The following ANXA8 variants were observed in gnomAD, a reference collection of about 807,000 sequenced individuals.
ANXA8 encodes the protein VAC-beta.
ANXA8 carries 9 observed loss-of-function variants against 26.8 expected under a neutral mutation model. The ratio of observed to expected loss-of-function variants is 0.34; its 90% confidence interval spans 0.20 to 0.59. The LOEUF is 0.59. Ranked by LOEUF, ANXA8 falls within the 20% of genes least tolerant of loss-of-function variation. The pLI, the probability that ANXA8 is intolerant of heterozygous loss-of-function variation, is 0.84. For missense variants in ANXA8, 83 were observed against 238.5 expected, an observed-to-expected ratio of 0.35 and a Z score of 4.29; for synonymous variants, 39 against 94.8, an observed-to-expected ratio of 0.41 and a Z score of 3.42.
At chr10:47,618,679 C>T in the ANXA8 span, among the ~76,000 whole-genome samples, 2 of 112,692 alleles carry the variant, frequency 1.8e-5, 1 homozygote. Context: ...ATTTATCTAC[C>T]TATTTAGTAA....
chr10:47,975,029 C>G, the ANXA8 span, among the ~76,000 whole-genome samples: 10,680 of 149,108 alleles, frequency 0.072, 20 homozygotes, highest in African/African-American at 0.25. Flanking sequence ...CAAGATGTGT[C>G]TGGATTATCC....
chr10:47,755,448 G>A, the ANXA8 span, among the ~76,000 whole-genome samples: 1 of 151,080 alleles, frequency 6.6e-6, no homozygotes, highest in African/African-American at 2.4e-5. Flanking sequence ...GTAGAGACGT[G>A]GTTTCACTGT....
chr10:47,687,035 T>C, the ANXA8 span, among the ~76,000 whole-genome samples: 1 of 151,436 alleles, frequency 6.6e-6, no homozygotes, highest in Non-Finnish European at 1.5e-5. Context: ...GCCCAGCAGC[T>C]TGAGGCTGCA....
At chr10:47,493,111 C>T in the ANXA8 span, among the ~76,000 whole-genome samples, 54 of 151,528 alleles carry the variant, frequency 3.6e-4, no homozygotes, top group Middle Eastern at 3.2e-3. Context: ...CCCACACATG[C>T]CATTGCTGTC....
the ANXA8 span, among the ~76,000 whole-genome samples, chr10:47,939,056 T>C: frequency 6.9e-6 from 1 of 144,858 alleles, no homozygotes; most frequent in Non-Finnish European, 1.5e-5. Flanking sequence ...GCCACCACAC[T>C]CTCACTTTCT....
the ANXA8 span, among the ~76,000 whole-genome samples, chr10:47,657,618 G>A: frequency 1.3e-5 from 2 of 150,872 alleles, no homozygotes; most frequent in Admixed American, 1.3e-4. Context: ...CACATGGAAA[G>A]TTCTCAATGT....
chr10:47,743,369 TAC>T, the ANXA8 span, among the ~76,000 whole-genome samples: 1,767 of 38,708 alleles, frequency 0.046, 90 homozygotes, highest in Middle Eastern at 0.1. Flanking sequence ...TATATATATA[TAC>T]ATATATATGT....
At chr10:47,970,683 G>A in the ANXA8 span, among the ~76,000 whole-genome samples, 16 of 151,410 alleles carry the variant, frequency 1.1e-4, no homozygotes, top group African/African-American at 3.6e-4. Flanking sequence ...AATTCCTAAG[G>A]CATTTCTACA....
chr10:47,947,578 C>T, the ANXA8 span, among the ~76,000 whole-genome samples: 1 of 150,688 alleles, frequency 6.6e-6, no homozygotes, highest in Non-Finnish European at 1.5e-5. Flanking sequence ...GGGCAGATTT[C>T]CCCCTTGCTG....
the ANXA8 span, chr10:47,581,327 C>T: frequency 6.4e-6 from 3 of 472,146 alleles, no homozygotes; most frequent in Non-Finnish European, 1.2e-5. Context: ...GTATTGAAAA[C>T]CATTCATCAC....
Position 47,474,228 on chromosome 10 carries a change from A to C in ANXA8, c.646+77T>G, listed in dbSNP as rs1202941174. 60 of 1,541,662 alleles carry C rather than the reference A, an allele frequency of 3.9e-5. 5 individuals are homozygous for C. The highest frequency in any genetic ancestry group is 5.0e-5 in the Non-Finnish European group (57 of 1,138,024). On this transcript the variant is annotated intron_variant, in intron 8 of 11. Coordinates refer to ENST00000585281, the MANE Select transcript of ANXA8 (RefSeq NM_001040084.3). ...TCTCTCCCTAACTCTAGACTTGACA[A>C]GGCAGAAGCACGAGGGAGAGGCTCA...
chr10:47,659,231 G>T, the ANXA8 span, among the ~76,000 whole-genome samples: 4 of 151,858 alleles, frequency 2.6e-5, no homozygotes, highest in Middle Eastern at 3.4e-3. Context: ...CACAGCCATT[G>T]CATGTTTCTT....
At chr10:47,565,641 C>T in the ANXA8 span, 2 of 347,242 alleles carry the variant, frequency 5.8e-6, no homozygotes, top group Non-Finnish European at 1.0e-5. Context: ...TTCGGCTACG[C>T]GGCTGCCGGG....
At chr10:47,528,236 T>C in the ANXA8 span, among the ~76,000 whole-genome samples, 1 of 142,766 alleles carries the variant, frequency 7.0e-6, no homozygotes, top group Non-Finnish European at 1.5e-5. Flanking sequence ...CCCGTTACCA[T>C]GTCCAGCTAA....
At chr10:47,610,305 C>T in the ANXA8 span, among the ~76,000 whole-genome samples, 1 of 144,720 alleles carries the variant, frequency 6.9e-6, no homozygotes, top group Non-Finnish European at 1.5e-5. Context: ...ATATGTGAAC[C>T]CTGGCTGGAG....
At chr10:47,484,359 C>T, upstream of ANXA8, 1 of 796,908 alleles carries the variant, frequency 1.3e-6, no homozygotes, top group East Asian at 2.9e-5. Flanking sequence ...GCTGGGATTA[C>T]AGGCATGAGC....
the ANXA8 span, among the ~76,000 whole-genome samples, chr10:47,945,112 A>G: frequency 1.3e-5 from 2 of 150,282 alleles, no homozygotes; most frequent in African/African-American, 4.9e-5. Context: ...AGACTGGCTC[A>G]GGCCCTGAGT....
At chr10:47,554,110 A>AAAATAAATAAATAAAT in the ANXA8 span, among the ~76,000 whole-genome samples, 9,241 of 129,634 alleles carry the variant, frequency 0.071, 379 homozygotes, top group East Asian at 0.11. Context: ...CATCTCTCAA[A>AAAATAAATAAATAAAT]AAATAAATAA....
chr10:47,627,228 GA>G, the ANXA8 span, among the ~76,000 whole-genome samples: 1 of 150,096 alleles, frequency 6.7e-6, no homozygotes, highest in Non-Finnish European at 1.5e-5. Context: ...TGAAAGGCTA[GA>G]AAATGTCTTA....
Sources: allele counts gnomAD v4.1 joint callset (sites outside exome capture counted in the v4.1 genomes callset), GRCh38; gene constraint gnomAD v4.1.1; transcripts MANE v1.5; gene names NCBI Gene and HGNC (gene_info 2026-07-23, HGNC 2026-07-21).